The following MFAP5 variants were observed in gnomAD, a reference collection of about 807,000 sequenced individuals.
MFAP5 encodes microfibrillar-associated protein 5.
A neutral mutation model predicts 30.1 loss-of-function variants in MFAP5; 19 were observed. The observed-to-expected ratio is 0.63, with a 90% CI of 0.44 to 0.93. MFAP5 has a LOEUF of 0.93. Ranked by LOEUF, MFAP5 falls within the 40% of genes least tolerant of loss-of-function variation. The probability of loss-of-function intolerance (pLI) is 0.00; values close to 1 mark genes in which losing one functional copy is unlikely to be tolerated. For missense variants in MFAP5, 210 were observed against 221.3 expected, an observed-to-expected ratio of 0.95 and a Z score of 0.32; for synonymous variants, 92 against 72.9, an observed-to-expected ratio of 1.26 and a Z score of -1.33.
chr12:8,659,984 A>C (rs1033776445), intron 3 of MFAP5, among the ~76,000 whole-genome samples: 16 of 152,284 alleles, frequency 1.1e-4, no homozygotes, highest in East Asian at 5.8e-4. Flanking sequence ...AATTATAATT[A>C]TGTTGAATGC....
At chr12:8,656,186 A>G (rs945747355) in intron 3 of MFAP5, among the ~76,000 whole-genome samples, 34 of 149,636 alleles carry the variant, frequency 2.3e-4, no homozygotes, top group Admixed American at 1.5e-3. Context: ...TCAGCCTCCC[A>G]AGTAGCTGGG....
chr12:8,660,929 G>C, intron 2 of MFAP5, 31 bp from the exon 3 acceptor site: 1 of 1,587,182 alleles, frequency 6.3e-7, no homozygotes, highest in South Asian at 1.1e-5. Context: ...AGAGATGTGA[G>C]TGACTGCAGC....
intron 6 of MFAP5, 41 bp downstream of exon 6, chr12:8,654,396 G>A: frequency 6.4e-7 from 1 of 1,558,066 alleles, no homozygotes; most frequent in Non-Finnish European, 8.7e-7. Context: ...GGAAAGCCTA[G>A]AATGGCCCTG....
chr12:8,649,668 A>G (rs1274696154), intron 8 of MFAP5, 94 bp from the exon 9 acceptor site: 1 of 889,642 alleles, frequency 1.1e-6, no homozygotes, highest in African/African-American at 1.6e-5. Context: ...TTCAACTCTC[A>G]TATTCCCCAC....
At chr12:8,657,631 G>A (rs1172638309) in intron 3 of MFAP5, among the ~76,000 whole-genome samples, 6 of 147,586 alleles carry the variant, frequency 4.1e-5, no homozygotes, top group Non-Finnish European at 7.5e-5. Flanking sequence ...GTGCAGTGGC[G>A]GCATGATCTC....
At position 8,651,783 on chromosome 12, in the gene MFAP5, G is replaced by A. The variant is rs766754645; in HGVS notation, c.218-92C>T. ...CTGCCTCACTTAGGACCTGCTTGGA[G>A]TGCCCATAAATAGGGAGCAAATGAA... On this transcript the variant is annotated intron_variant, in intron 6 of 9. Coordinates refer to ENST00000359478, the MANE Select transcript of MFAP5 (RefSeq NM_003480.4). The A allele has an allele frequency of 6.8e-6, 8 of 1,179,780 alleles. No homozygotes were observed. The South Asian group carries it at 7.4e-5, about 11-fold the overall frequency. 73.1% of individuals were successfully genotyped at this position (1,179,780 alleles called of 1,614,324 possible).
intron 4 of MFAP5, 48 bp downstream of exon 4, chr12:8,655,738 A>G: frequency 1.3e-6 from 2 of 1,576,982 alleles, no homozygotes; most frequent in East Asian, 2.2e-5. Context: ...TCCTTTATCT[A>G]TCCCCAATAA....
rs977456442 is a variant in MFAP5, at chr12:8,662,494, G to A, written c.-3+133C>T. On this transcript the variant is annotated intron_variant, in intron 1 of 9. Coordinates refer to ENST00000359478, the MANE Select transcript of MFAP5 (RefSeq NM_003480.4). ...GGCGTCTCCTTCATCAGAATTCCAC[G>A]GTTATTTGGGAGGTCTGCTCAAGAC... The A allele has an allele frequency of 5.5e-5, 12 of 218,240 alleles. No individual in the cohort carries two copies. In the East Asian group the frequency reaches 5.7e-4, roughly 10 times the overall value. The allele number at this position is 218,240 out of a possible 1,614,324, so 13.5% of individuals were successfully genotyped here. A position where few individuals can be genotyped will look rare whatever the true frequency, so the allele number is the denominator to read the frequency against.
intron 2 of MFAP5, among the ~76,000 whole-genome samples, chr12:8,661,108 CA>C (rs1230886483): frequency 6.6e-6 from 1 of 152,136 alleles, no homozygotes; most frequent in African/African-American, 2.4e-5. Context: ...CAAGTTCCTT[CA>C]CTGCTGTGCA....
In MFAP5 at chr12:8,656,573, A is replaced by AATAT. The variant is rs71957081; in HGVS notation, c.95-747_95-744dup. Among the ~76,000 whole-genome samples the AATAT allele has an allele frequency of 3.4e-3, 440 of 128,510 alleles. 4 individuals carry two copies. Among genetic ancestry groups the AATAT allele is most frequent in the East Asian group, 0.028 (128 of 4,602 alleles). The allele number at this position is 128,510 out of a possible 152,430, so 84.3% of individuals were successfully genotyped here. A position where few individuals can be genotyped will look rare whatever the true frequency, so the allele number is the denominator to read the frequency against. ...CAGGCGCATACCACCATGCCTGGCTAATATATATATATATATATACACACA... is the reference window on the plus strand; with the variant it reads ...CAGGCGCATACCACCATGCCTGGCTAATATATATATATATATATATATACACACA... On this transcript the variant is annotated intron_variant, in intron 3 of 9. Coordinates refer to ENST00000359478, the MANE Select transcript of MFAP5 (RefSeq NM_003480.4).
intron 6 of MFAP5, among the ~76,000 whole-genome samples, chr12:8,652,917 T>C (rs1941876403): frequency 6.6e-6 from 1 of 151,920 alleles, no homozygotes; most frequent in Non-Finnish European, 1.5e-5. Context: ...TGGCTGGGCG[T>C]GGTGGCTCAT....
chr12:8,654,189 C>T (rs1047055046), intron 6 of MFAP5: 49 of 385,306 alleles, frequency 1.3e-4, no homozygotes, highest in African/African-American at 3.1e-4. Flanking sequence ...TCCTCCAAAA[C>T]GTGTTTATAC....
intron 2 of MFAP5, among the ~76,000 whole-genome samples, chr12:8,661,723 C>T (rs35896395): frequency 0.073 from 11,016 of 151,922 alleles, 471 homozygotes; most frequent in Non-Finnish European, 0.083. Flanking sequence ...TTTGTGTATG[C>T]ATTTGTATAT....
intron 2 of MFAP5, 36 bp from the exon 3 acceptor site, chr12:8,660,934 T>C: frequency 1.3e-6 from 2 of 1,559,644 alleles, no homozygotes; most frequent in Non-Finnish European, 1.8e-6. Context: ...TGTGAGTGAC[T>C]GCAGCTCTAT....
intron 4 of MFAP5, 80 bp from the exon 5 acceptor site, chr12:8,655,527 C>T (rs1941957789): frequency 7.0e-7 from 1 of 1,429,902 alleles, no homozygotes; most frequent in East Asian, 2.3e-5. Context: ...GGACGATGAT[C>T]TCAAAGGAGG....
At chr12:8,661,032 T>C in intron 2 of MFAP5, 134 bp from the exon 3 acceptor site, 2 of 632,046 alleles carry the variant, frequency 3.2e-6, no homozygotes, top group Non-Finnish European at 5.2e-6. Flanking sequence ...TATAGCTCAA[T>C]ATAAAATTAC....
In MFAP5 at chr12:8,650,545, G is replaced by GCA; in HGVS notation, c.290_291dup (p.His98CysfsTer39). ...TGAATGCATTGTTTAACCGGCCGAT[G>GCA]CACAGAGTAGAGCCTTGTGCAGGTA... On this transcript the variant is annotated frameshift_variant, in exon 8 of 10. Coordinates refer to ENST00000359478, the MANE Select transcript of MFAP5 (RefSeq NM_003480.4). LOFTEE classifies it high-confidence loss of function. 1 of 1,614,120 alleles carries GCA rather than the reference G, an allele frequency of 6.2e-7. No homozygotes were observed. The highest frequency in any genetic ancestry group is 8.5e-7 in the Non-Finnish European group (1 of 1,180,022).
intron 6 of MFAP5, chr12:8,654,194 T>C: frequency 2.3e-6 from 1 of 437,902 alleles, no homozygotes; most frequent in Non-Finnish European, 4.1e-6. Flanking sequence ...CAAAACGTGT[T>C]TATACTTTTA....
intron 6 of MFAP5, among the ~76,000 whole-genome samples, chr12:8,653,663 C>G (rs1941901643): frequency 6.6e-6 from 1 of 152,196 alleles, no homozygotes; most frequent in Non-Finnish European, 1.5e-5. Flanking sequence ...GTCAAGAACT[C>G]TTTCTGTGTC....
Sources: allele counts gnomAD v4.1 joint callset (sites outside exome capture counted in the v4.1 genomes callset), GRCh38; gene constraint gnomAD v4.1.1; transcripts MANE v1.5; gene names NCBI Gene and HGNC (gene_info 2026-07-23, HGNC 2026-07-21).